Variants in RANGAP1 observed in about 807,000 individuals in gnomAD.
The protein encoded by RANGAP1 is ran GTPase-activating protein 1.
Under a neutral mutation model 63.5 loss-of-function variants are expected in RANGAP1, and 38 were observed. The observed-to-expected ratio is 0.60, with a 90% CI of 0.46 to 0.78. RANGAP1 has a LOEUF of 0.78. RANGAP1 is among the 30% of genes least tolerant of loss of function. The pLI is 0.00. For missense variants in RANGAP1, 630 were observed against 740.3 expected (o/e 0.85, Z 1.73); for synonymous variants, 329 against 310.5 (o/e 1.06, Z -0.63).
chr22:41,249,317 A>C lies in RANGAP1; in HGVS notation c.1694+13T>G, dbSNP rs1342411435. On this transcript the variant is annotated intron_variant, in intron 15 of 15. Transcript: ENST00000356244. The stretch of plus-strand genomic sequence containing the variant: ...GAGGGCAGGCACCGGCAGAAGGACA[A>C]GGCCACACTCACTTGGTCACGAACG... The C allele has an allele frequency of 6.3e-7, 1 of 1,586,686 alleles. No individual in the cohort carries two copies. The highest frequency in any genetic ancestry group is 1.2e-5 in the South Asian group (1 of 86,612).
At chr22:41,286,339 C>A (rs1156694299), upstream of RANGAP1, 1 of 152,296 alleles carries the variant, frequency 6.6e-6, no homozygotes, top group Non-Finnish European at 1.5e-5. Flanking sequence ...CGATGGGGCG[C>A]GCACCGCGAA....
chr22:41,295,508 C>G, the RANGAP1 span, among the ~76,000 whole-genome samples: 39 of 151,734 alleles, frequency 2.6e-4, no homozygotes, highest in Admixed American at 1.1e-3. Flanking sequence ...CAGCATGCTC[C>G]TTAAGAGTCA....
intron 2 of RANGAP1, among the ~76,000 whole-genome samples, chr22:41,278,566 G>A (rs1376781159): frequency 6.6e-6 from 1 of 152,242 alleles, no homozygotes; most frequent in African/African-American, 2.4e-5. Context: ...CCTAAACGGA[G>A]CTCAATGTCT....
At chr22:41,278,825 AC>A (rs1296640553) in intron 2 of RANGAP1, among the ~76,000 whole-genome samples, 1 of 152,148 alleles carries the variant, frequency 6.6e-6, no homozygotes, top group Non-Finnish European at 1.5e-5. Context: ...ACATGGCAAA[AC>A]CCCGTCTCTA....
intron 2 of RANGAP1, chr22:41,277,427 A>T (rs1253722439): frequency 8.5e-7 from 1 of 1,174,908 alleles, no homozygotes; most frequent in Non-Finnish European, 1.1e-6. Flanking sequence ...TCTGTATTCT[A>T]TAATAAACCT....
Position 41,268,723 on chromosome 22 carries a change from G to A in RANGAP1, c.241-567C>T, listed in dbSNP as rs186795514. Among the ~76,000 whole-genome samples, 14 of 152,262 alleles carry A rather than the reference G, an allele frequency of 9.2e-5. No homozygotes were observed. In the East Asian group the frequency reaches 2.1e-3, roughly 23 times the overall value. ...ACAACCCTCTAGGTGGACGTGTGACGTGGTTATGGATGACAGAGAAACATG... is the reference window on the plus strand; with the variant it reads ...ACAACCCTCTAGGTGGACGTGTGACATGGTTATGGATGACAGAGAAACATG... On this transcript the variant is annotated intron_variant, in intron 3 of 15. Transcript: ENST00000356244.
Position 41,256,183 on chromosome 22 carries a change from C to T in RANGAP1, c.988+8G>A, listed in dbSNP as rs1437418359. The T allele has an allele frequency of 4.3e-6, 7 of 1,614,004 alleles. No homozygotes were observed. In the East Asian group the frequency reaches 1.3e-4, roughly 31 times the overall value. ...AGACCTGTGCAGAGGCCTCCCCCAT[C>T]CGACTACCATTCAGGTCCAGCTTCT... On this transcript the variant is annotated splice_region_variant and intron_variant, in intron 9 of 15. Coordinates refer to ENST00000356244, the MANE Select transcript of RANGAP1 (RefSeq NM_002883.4).
intron 5 of RANGAP1, among the ~76,000 whole-genome samples, chr22:41,262,276 C>T (rs535848166): frequency 4.6e-5 from 7 of 152,268 alleles, no homozygotes; most frequent in Admixed American, 2.6e-4. Context: ...CACTGAAAAA[C>T]GGAGACTGAC....
chr22:41,260,862 G>A (rs1374003657), intron 6 of RANGAP1, among the ~76,000 whole-genome samples: 1 of 152,126 alleles, frequency 6.6e-6, no homozygotes, highest in African/African-American at 2.4e-5. Context: ...AGGAAAGAGA[G>A]GAGGGAGACA....
intron 2 of RANGAP1, among the ~76,000 whole-genome samples, chr22:41,278,785 G>A (rs2035307284): frequency 1.3e-5 from 2 of 152,232 alleles, no homozygotes; most frequent in African/African-American, 2.4e-5. Flanking sequence ...CGGATCACCT[G>A]AGGTCAAGAA....
intron 6 of RANGAP1, among the ~76,000 whole-genome samples, chr22:41,261,038 C>T (rs1330763883): frequency 1.3e-5 from 2 of 152,120 alleles, no homozygotes; most frequent in African/African-American, 4.8e-5. Context: ...CTGCGGCTGC[C>T]CCTGCCTATC....
At chr22:41,284,299 A>G (rs533331581) in intron 1 of RANGAP1, among the ~76,000 whole-genome samples, 2 of 151,458 alleles carry the variant, frequency 1.3e-5, no homozygotes, top group Non-Finnish European at 2.9e-5. Flanking sequence ...CGGGTGCGGT[A>G]GCTCACGCCT....
chr22:41,293,723 AAGCCG>A, the RANGAP1 span, among the ~76,000 whole-genome samples: 1 of 148,210 alleles, frequency 6.7e-6, no homozygotes, highest in Non-Finnish European at 1.5e-5. Context: ...AGCTTGCAGT[AAGCCG>A]AGATCGCGCC....
At chr22:41,254,929 G>A (rs1365774701) in intron 10 of RANGAP1, among the ~76,000 whole-genome samples, 1 of 150,470 alleles carries the variant, frequency 6.6e-6, no homozygotes, top group African/African-American at 2.4e-5. Flanking sequence ...CCGAAATTGT[G>A]CCACTGCACT....
intron 1 of RANGAP1, chr22:41,282,409 T>G (rs1427898755): frequency 6.6e-6 from 1 of 152,190 alleles, no homozygotes; most frequent in African/African-American, 2.4e-5. Context: ...AAGCTCCGCC[T>G]CCAAGGTTCA....
intron 3 of RANGAP1, among the ~76,000 whole-genome samples, chr22:41,271,821 A>G (rs1435630071): frequency 6.6e-6 from 1 of 152,198 alleles, no homozygotes; most frequent in Non-Finnish European, 1.5e-5. Flanking sequence ...CTGCTGCAGC[A>G]GCAGAGAGAA....
chr22:41,273,472 CAGG>C (rs1434444836), intron 3 of RANGAP1, among the ~76,000 whole-genome samples: 4 of 152,084 alleles, frequency 2.6e-5, no homozygotes, highest in Non-Finnish European at 5.9e-5. Flanking sequence ...ATCTAACCTT[CAGG>C]AGAACTTGCC....
At chr22:41,299,665 G>A in the RANGAP1 span, among the ~76,000 whole-genome samples, 1 of 152,170 alleles carries the variant, frequency 6.6e-6, no homozygotes, top group Admixed American at 6.5e-5. Context: ...GCTTTAACAT[G>A]GGGACATAGA....
At chr22:41,272,677 C>A (rs2034908463) in intron 3 of RANGAP1, among the ~76,000 whole-genome samples, 1 of 152,098 alleles carries the variant, frequency 6.6e-6, no homozygotes, top group South Asian at 2.1e-4. Context: ...CACGCCACCA[C>A]ACCCAGCAAA....
Sources: gnomAD v4.1 joint callset for allele counts (sites outside exome capture counted in the v4.1 genomes callset) on GRCh38, gnomAD v4.1.1 for gene constraint, MANE v1.5 for transcripts, NCBI Gene and HGNC (gene_info 2026-07-23, HGNC 2026-07-21) for gene names.